The following SORL1 variants were observed in gnomAD, a reference collection of about 807,000 sequenced individuals.
The protein encoded by SORL1 is sortilin related receptor 1.
SORL1 carries 127 observed loss-of-function variants against 273.7 expected under a neutral mutation model. The observed-to-expected ratio is 0.46, with a 90% CI of 0.40 to 0.54. SORL1 has a LOEUF of 0.54. Ranked by LOEUF, SORL1 falls within the 20% of genes least tolerant of loss-of-function variation. The probability of loss-of-function intolerance (pLI) is 0.00; values close to 1 mark genes in which losing one functional copy is unlikely to be tolerated. For synonymous variants in SORL1, 1,031 were observed against 1,067.4 expected (o/e 0.97, Z 0.66); for missense variants, 2,494 against 2,846.1 (o/e 0.88, Z 2.81).
At chr11:121,570,116 T>C in intron 22 of SORL1, 41 bp from the exon 23 acceptor site, 1 of 1,322,560 alleles carries the variant, frequency 7.6e-7, no homozygotes, top group East Asian at 2.3e-5. Context: ...GTAAGAATAA[T>C]ATTGGTTTCA....
intron 24 of SORL1, chr11:121,577,075 C>A: frequency 8.9e-7 from 1 of 1,122,952 alleles, no homozygotes; most frequent in Non-Finnish European, 1.3e-6. Flanking sequence ...CTCAGAATCT[C>A]AGCCCACCTG....
intron 23 of SORL1, among the ~76,000 whole-genome samples, chr11:121,570,628 A>G (rs1862827010): frequency 6.6e-6 from 1 of 152,156 alleles, no homozygotes; most frequent in African/African-American, 2.4e-5. Context: ...TAAACAGGTG[A>G]TATTCTTTGA....
chr11:121,497,166 A>G, intron 6 of SORL1, 117 bp downstream of exon 6: 1 of 835,036 alleles, frequency 1.2e-6, no homozygotes, highest in South Asian at 1.7e-5. Flanking sequence ...TGCTTGGGAC[A>G]GATTGACTGA....
chr11:121,593,827 A>G lies in SORL1; in HGVS notation c.4370-1796A>G, dbSNP rs370141384. ...CATCTTCAGGATTTCCTTTACCTCC[A>G]TCTCCTGTTGGAACTCCTGTTTTCT... On this transcript the variant is annotated intron_variant, in intron 31 of 47. Coordinates refer to ENST00000260197, the MANE Select transcript of SORL1 (RefSeq NM_003105.6). 9.9e-5 allele frequency among the ~76,000 whole-genome samples: 15 copies of G among 152,130 alleles called. No homozygotes were observed. The South Asian group carries it at 1.2e-3, about 13-fold the overall frequency.
intron 20 of SORL1, among the ~76,000 whole-genome samples, chr11:121,559,264 A>C (rs1179045646): frequency 6.6e-6 from 1 of 152,190 alleles, no homozygotes; most frequent in African/African-American, 2.4e-5. Context: ...ACAGATTTCA[A>C]ACTGAGGGGG....
chr11:121,485,113 C>T (rs974345402), intron 3 of SORL1, among the ~76,000 whole-genome samples: 11 of 152,078 alleles, frequency 7.2e-5, no homozygotes, highest in Admixed American at 5.2e-4. Flanking sequence ...CCAAAGTTAG[C>T]AGCAAAGGAT....
chr11:121,458,836 T>C (rs571344400), intron 1 of SORL1, among the ~76,000 whole-genome samples: 212 of 152,334 alleles, frequency 1.4e-3, no homozygotes, highest in African/African-American at 4.7e-3. Context: ...TATTGTGAGA[T>C]GCTCAGTTTT....
chr11:121,536,833 G>A (rs868489049), intron 12 of SORL1, among the ~76,000 whole-genome samples: 74 of 152,116 alleles, frequency 4.9e-4, no homozygotes, highest in South Asian at 4.2e-4. Flanking sequence ...AGGTGCCAGG[G>A]GCAGAAAAGT....
In SORL1 at chr11:121,597,268, G is replaced by C. The variant is rs550216473; in HGVS notation, c.4519+1496G>C. ...AGGGTGCCCGACTGGGCTCTCCCTG[G>C]AGAGGCTTGGTTAAGAGGAAGGAGT... On this transcript the variant is annotated intron_variant, in intron 32 of 47. Transcript: ENST00000260197. 7.9e-5 allele frequency among the ~76,000 whole-genome samples: 12 copies of C among 152,336 alleles called. No individual in the cohort carries two copies. The East Asian group carries it at 2.3e-3, about 29-fold the overall frequency.
In SORL1 at chr11:121,591,675, C is replaced by G. The variant is rs563924424; in HGVS notation, c.4369+519C>G. Reference sequence around the variant, plus strand: ...TGGAGGTGGGGTAGAACTTGAAATCCCATTTCGTGTGTGCTCCTAACAGCA... The same window carrying G: ...TGGAGGTGGGGTAGAACTTGAAATCGCATTTCGTGTGTGCTCCTAACAGCA... On this transcript the variant is annotated intron_variant, in intron 31 of 47. Coordinates refer to ENST00000260197, the MANE Select transcript of SORL1 (RefSeq NM_003105.6). Among the ~76,000 whole-genome samples, 11 of 152,254 alleles carry G rather than the reference C, an allele frequency of 7.2e-5. No homozygotes were observed. In the South Asian group the frequency reaches 2.1e-3, roughly 29 times the overall value.
rs1863295158 is a variant in SORL1, at chr11:121,596,347, G to A, written c.4519+575G>A. Among the ~76,000 whole-genome samples, 1 of 152,186 alleles carries A rather than the reference G, an allele frequency of 6.6e-6. No individual in the cohort carries two copies. Among genetic ancestry groups the A allele is most frequent in the Admixed American group, 6.5e-5 (1 of 15,284 alleles). On this transcript the variant is annotated intron_variant, in intron 32 of 47. Coordinates refer to ENST00000260197, the MANE Select transcript of SORL1 (RefSeq NM_003105.6). This position sits in a 1 kb window ranked among gnomAD's most constrained non-coding sequence, Gnocchi z 4.3. ...TTGGAGTTGGTGGGTCCTGGTGTTT[G>A]GTCCTCTGATGAACCCAGGGAGGAT...
intron 7 of SORL1, 45 bp from the exon 8 acceptor site, chr11:121,514,107 C>T (rs1435195782): frequency 6.3e-7 from 1 of 1,588,382 alleles, no homozygotes; most frequent in African/African-American, 1.3e-5. Context: ...GCCCACAGGG[C>T]ACATTTGTTT....
intron 40 of SORL1, 28 bp downstream of exon 40, chr11:121,612,860 G>C (rs1863587454): frequency 1.3e-6 from 2 of 1,519,700 alleles, no homozygotes; most frequent in African/African-American, 1.4e-5. Flanking sequence ...GTCAGTGTGT[G>C]TGCAGGAAGG....
Position 121,558,463 on chromosome 11 carries a change from T to G in SORL1, c.2664-128T>G, listed in dbSNP as rs533517483. 11 of 929,168 alleles carry G rather than the reference T, an allele frequency of 1.2e-5. No individual in the cohort carries two copies. In the South Asian group the frequency reaches 1.7e-4, roughly 15 times the overall value. The allele number at this position is 929,168 out of a possible 1,614,324, so 57.6% of individuals were successfully genotyped here. On this transcript the variant is annotated intron_variant, in intron 19 of 47. Coordinates refer to ENST00000260197, the MANE Select transcript of SORL1 (RefSeq NM_003105.6). ...AGTTTCAGGTGTTGTCATTACATATTGTTATAATAATGCTGAAATAACCAG... is the reference window on the plus strand; with the variant it reads ...AGTTTCAGGTGTTGTCATTACATATGGTTATAATAATGCTGAAATAACCAG...
intron 18 of SORL1, 180 bp from the exon 19 acceptor site, chr11:121,557,134 G>A: frequency 3.3e-6 from 2 of 611,054 alleles, no homozygotes; most frequent in South Asian, 3.9e-5. Context: ...ATGAGTCAGA[G>A]GAAGGAACAG....
chr11:121,491,496 T>C (rs572779976), intron 5 of SORL1, among the ~76,000 whole-genome samples: 6 of 152,318 alleles, frequency 3.9e-5, no homozygotes, highest in Admixed American at 1.3e-4. Context: ...GGATGACTGA[T>C]AGATATTGCA....
At chr11:121,453,643 A>C (rs948122910) in intron 1 of SORL1, among the ~76,000 whole-genome samples, 1 of 152,234 alleles carries the variant, frequency 6.6e-6, no homozygotes, top group Non-Finnish European at 1.5e-5. Flanking sequence ...GCCTTTTCTC[A>C]CTAATTTCAC....
intron 21 of SORL1, among the ~76,000 whole-genome samples, chr11:121,562,910 G>A (rs1419900772): frequency 6.6e-6 from 1 of 152,150 alleles, no homozygotes; most frequent in Non-Finnish European, 1.5e-5. Context: ...TAGGGGTCTT[G>A]GAATTGGGGG....
At position 121,595,878 on chromosome 11, in the gene SORL1, T is replaced by C; in HGVS notation, c.4519+106T>C. On this transcript the variant is annotated intron_variant, in intron 32 of 47. Coordinates refer to ENST00000260197, the MANE Select transcript of SORL1 (RefSeq NM_003105.6). The surrounding 1 kb of genome is among the most constrained non-coding windows in gnomAD (Gnocchi z 5.1). ...ATCAGCACACGCCTGTGTGTGAGTC[T>C]GTGTACTTGCGTAACCATGCTCTTA... is the stretch of plus-strand genomic sequence containing the variant. The C allele has an allele frequency of 7.9e-7, 1 of 1,260,986 alleles. No individual in the cohort carries two copies. Among genetic ancestry groups the C allele is most frequent in the Non-Finnish European group, 1.1e-6 (1 of 915,860 alleles). 78.1% of individuals were successfully genotyped at this position (1,260,986 alleles called of 1,614,324 possible).
Sources: allele counts gnomAD v4.1 joint callset (sites outside exome capture counted in the v4.1 genomes callset), GRCh38; gene constraint gnomAD v4.1.1; non-coding constraint Gnocchi (gnomAD v3.1); transcripts MANE v1.5; gene names NCBI Gene and HGNC (gene_info 2026-07-23, HGNC 2026-07-21).